RALGPS1: variants seen among roughly 807,000 people sequenced by gnomAD.
RALGPS1 encodes the protein Ral GEF with PH domain and SH3 binding motif 1.
In RALGPS1, 19 loss-of-function variants were observed where a neutral mutation model predicts 78.8. That is an observed-to-expected ratio of 0.24 (90% CI 0.17 to 0.35). The LOEUF is 0.35. RALGPS1 is among the 10% of genes least tolerant of loss of function. The pLI is 1.00. For missense variants in RALGPS1, 454 were observed against 688.3 expected (o/e 0.66, Z 3.81); for synonymous variants, 228 against 256.3 (o/e 0.89, Z 1.06).
In RALGPS1 at chr9:127,218,647, C is replaced by A; in HGVS notation, c.1645-93C>A. ...CCCAACCTGCTCATTCCCAGACTCA[C>A]GGGGAAAGGCCTGTCCCTTCCCCTA... On this transcript the variant is annotated intron_variant, in intron 18 of 18. Coordinates refer to ENST00000259351, the MANE Select transcript of RALGPS1 (RefSeq NM_014636.3). This position sits in a 1 kb window ranked among gnomAD's most constrained non-coding sequence, Gnocchi z 4.4. 1.5e-6 allele frequency: 2 copies of A among 1,344,528 alleles called. No individual in the cohort carries two copies. The highest frequency in any genetic ancestry group is 2.1e-6 in the Non-Finnish European group (2 of 934,790). 83.3% of individuals were successfully genotyped at this position (1,344,528 alleles called of 1,614,324 possible).
intron 4 of RALGPS1, among the ~76,000 whole-genome samples, chr9:127,012,112 A>G (rs921135763): frequency 1.2e-4 from 18 of 152,296 alleles, no homozygotes; most frequent in Middle Eastern, 3.4e-3. Context: ...GTTTTAATTT[A>G]TGGCTGCAGA....
intron 8 of RALGPS1, among the ~76,000 whole-genome samples, chr9:127,156,842 T>G (rs1184685121): frequency 6.6e-6 from 1 of 152,114 alleles, no homozygotes; most frequent in East Asian, 1.9e-4. Context: ...TGTATTTTAT[T>G]CAAGTACTCG....
intron 4 of RALGPS1, among the ~76,000 whole-genome samples, chr9:127,020,942 C>T (rs1403508686): frequency 6.6e-6 from 1 of 152,160 alleles, no homozygotes; most frequent in African/African-American, 2.4e-5. Flanking sequence ...TGTGAGAATT[C>T]AGGGAGCAAT....
At chr9:127,088,903 G>C in intron 8 of RALGPS1, 1 of 1,613,560 alleles carries the variant, frequency 6.2e-7, no homozygotes, top group South Asian at 1.1e-5. Flanking sequence ...GTGGGCTCCT[G>C]GCAATGGCCA....
intron 8 of RALGPS1, among the ~76,000 whole-genome samples, chr9:127,095,484 A>G (rs982827179): frequency 3.3e-5 from 5 of 152,274 alleles, no homozygotes; most frequent in African/African-American, 7.2e-5. Flanking sequence ...TATGTTTTCT[A>G]TCAATTTGTA....
At chr9:127,093,701 G>A in intron 8 of RALGPS1, 1 of 1,610,588 alleles carries the variant, frequency 6.2e-7, no homozygotes, top group Non-Finnish European at 8.5e-7. Flanking sequence ...GTCACCTTGT[G>A]GGCAGCACAG....
intron 8 of RALGPS1, among the ~76,000 whole-genome samples, chr9:127,146,624 A>G (rs1564663212): frequency 6.6e-6 from 1 of 151,124 alleles, no homozygotes; most frequent in Non-Finnish European, 1.5e-5. Context: ...GCTCACTGCA[A>G]CCTTGGCCTC....
chr9:127,038,988 C>G (rs921560842), intron 5 of RALGPS1, among the ~76,000 whole-genome samples: 18 of 152,034 alleles, frequency 1.2e-4, no homozygotes, highest in Non-Finnish European at 1.2e-4. Flanking sequence ...AAAGGAGGAG[C>G]AGTTTTGAGA....
chr9:126,987,843 C>T (rs746557467), intron 4 of RALGPS1, among the ~76,000 whole-genome samples: 7 of 152,080 alleles, frequency 4.6e-5, no homozygotes, highest in Admixed American at 6.6e-5. Flanking sequence ...GTCAGGCAGA[C>T]ATGTAAATAA....
At position 127,111,012 on chromosome 9, in the gene RALGPS1, A is replaced by G. The variant is rs57291585; in HGVS notation, c.610+41656A>G. On this transcript the variant is annotated intron_variant, in intron 8 of 18. Transcript: ENST00000259351. Reference sequence around the variant, plus strand: ...ATTCAAAACCCCCCAGTGGCTCACCATCTTGGAGGAAAAGCTAGTGGGTCT... The same window carrying G: ...ATTCAAAACCCCCCAGTGGCTCACCGTCTTGGAGGAAAAGCTAGTGGGTCT... Among the ~76,000 whole-genome samples the G allele has an allele frequency of 7.4e-3, 1,133 of 152,172 alleles. 12 individuals are homozygous for G. Among genetic ancestry groups the G allele is most frequent in the African/African-American group, 0.026 (1,065 of 41,486 alleles).
At chr9:126,926,361 G>C (rs928038073) in intron 1 of RALGPS1, among the ~76,000 whole-genome samples, 1 of 152,208 alleles carries the variant, frequency 6.6e-6, no homozygotes, top group African/African-American at 2.4e-5. Context: ...GGAAATGGAA[G>C]CTCATGGGAC....
At chr9:126,939,018 A>G (rs972217307) in intron 1 of RALGPS1, among the ~76,000 whole-genome samples, 1 of 152,152 alleles carries the variant, frequency 6.6e-6, no homozygotes, top group Admixed American at 6.5e-5. Context: ...GGTATCCACA[A>G]ATCTCTCCTT....
chr9:127,044,822 G>C (rs2047612521), intron 5 of RALGPS1, among the ~76,000 whole-genome samples: 1 of 152,158 alleles, frequency 6.6e-6, no homozygotes, highest in Non-Finnish European at 1.5e-5. Flanking sequence ...AGTGAAAAAA[G>C]CCAGTCTTGA....
chr9:127,149,253 A>C (rs1226919088), intron 8 of RALGPS1, among the ~76,000 whole-genome samples: 1 of 152,176 alleles, frequency 6.6e-6, no homozygotes, highest in African/African-American at 2.4e-5. Flanking sequence ...CCTGGTTCTG[A>C]GTCTAGTTCA....
At chr9:127,031,998 T>C (rs1192193454) in intron 4 of RALGPS1, among the ~76,000 whole-genome samples, 1 of 152,094 alleles carries the variant, frequency 6.6e-6, no homozygotes, top group East Asian at 1.9e-4. Flanking sequence ...AAAGAGAGAA[T>C]GGTGTGGGAA....
At chr9:127,185,800 G>A (rs2060606657) in intron 11 of RALGPS1, among the ~76,000 whole-genome samples, 1 of 152,162 alleles carries the variant, frequency 6.6e-6, no homozygotes, top group African/African-American at 2.4e-5. Flanking sequence ...ATCCAGTGTA[G>A]TATCTCCAGC....
intron 1 of RALGPS1, among the ~76,000 whole-genome samples, chr9:126,918,542 C>T (rs185418262): frequency 1.2e-4 from 18 of 151,948 alleles, no homozygotes; most frequent in East Asian, 7.7e-4. Flanking sequence ...AGGCTGGTCT[C>T]GAACTCCTGG....
intron 4 of RALGPS1, among the ~76,000 whole-genome samples, chr9:126,998,670 A>G (rs906139364): frequency 5.9e-5 from 9 of 152,202 alleles, no homozygotes; most frequent in African/African-American, 1.7e-4. Context: ...ATTACTGGGT[A>G]TATACCCAAA....
intron 1 of RALGPS1, among the ~76,000 whole-genome samples, chr9:126,916,116 A>G (rs2034131289): frequency 1.3e-5 from 2 of 152,170 alleles, no homozygotes; most frequent in African/African-American, 4.8e-5. Context: ...CGCTGGATAA[A>G]GTTATGAGTT....
Sources: gnomAD v4.1 joint callset for allele counts (sites outside exome capture counted in the v4.1 genomes callset) on GRCh38, gnomAD v4.1.1 for gene constraint, Gnocchi (gnomAD v3.1) non-coding constraint, MANE v1.5 for transcripts, NCBI Gene and HGNC (gene_info 2026-07-23, HGNC 2026-07-21) for gene names.